The following CTNNA3 variants were observed in gnomAD, a reference collection of about 807,000 sequenced individuals.
CTNNA3 encodes catenin alpha-3.
A neutral mutation model predicts 95.7 loss-of-function variants in CTNNA3; 76 were observed. The ratio of observed to expected loss-of-function variants is 0.79; its 90% CI spans 0.66 to 0.96. The LOEUF (loss-of-function observed/expected upper bound fraction) is 0.96, where lower values mean the gene tolerates loss of function less well. CTNNA3 is among the 40% of genes least tolerant of loss of function. CTNNA3 has a pLI of 0.00. For synonymous variants in CTNNA3, 431 were observed against 374.4 expected (o/e 1.15, Z -1.74); for missense variants, 1,191 against 1,089.8 (o/e 1.09, Z -1.31).
chr10:66,235,525 C>T (rs1413739816), intron 13 of CTNNA3, among the ~76,000 whole-genome samples: 1 of 151,726 alleles, frequency 6.6e-6, no homozygotes, highest in African/African-American at 2.4e-5. Context: ...CACATATAAT[C>T]ATAGCCTAAT....
chr10:66,771,476 T>C (rs1459478066), intron 8 of CTNNA3, among the ~76,000 whole-genome samples: 1 of 152,146 alleles, frequency 6.6e-6, no homozygotes, highest in African/African-American at 2.4e-5. Context: ...AAAAGGCATT[T>C]AAAACAAATA....
chr10:66,696,948 T>C (rs1032466556), intron 9 of CTNNA3, among the ~76,000 whole-genome samples: 12 of 151,764 alleles, frequency 7.9e-5, no homozygotes, highest in African/African-American at 2.9e-4. Context: ...ATAAATAAAA[T>C]AAAATAAAAT....
At chr10:67,355,539 CA>C (rs964733339) in intron 5 of CTNNA3, among the ~76,000 whole-genome samples, 5 of 145,734 alleles carry the variant, frequency 3.4e-5, no homozygotes, top group African/African-American at 2.5e-5. Flanking sequence ...AATGTAAGCA[CA>C]AAAAAAAAGG....
At position 66,327,352 on chromosome 10, in the gene CTNNA3, C is replaced by A. The variant is rs1448927628; in HGVS notation, c.1733-46731G>T. Among the ~76,000 whole-genome samples the A allele has an allele frequency of 2.0e-5, 3 of 151,986 alleles. No individual in the cohort carries two copies. In the East Asian group the frequency reaches 5.8e-4, roughly 29 times the overall value. On this transcript the variant is annotated intron_variant, in intron 12 of 17. Coordinates refer to ENST00000433211, the MANE Select transcript of CTNNA3 (RefSeq NM_013266.4). ...AGGGAAACAACCATTTATTGCAAAT[C>A]CTAAATTTGATAGGAAAATTTACTT...
intron 1 of CTNNA3, among the ~76,000 whole-genome samples, chr10:67,727,273 T>C (rs1272382623): frequency 7.6e-6 from 1 of 131,196 alleles, no homozygotes; most frequent in Non-Finnish European, 1.6e-5. Context: ...AAACTGTACC[T>C]TCCTCAACAG....
At chr10:66,594,360 T>C (rs1180346162) in intron 10 of CTNNA3, among the ~76,000 whole-genome samples, 1 of 152,172 alleles carries the variant, frequency 6.6e-6, no homozygotes, top group East Asian at 1.9e-4. Flanking sequence ...CCTACTTCCA[T>C]CTTGTACCCT....
intron 7 of CTNNA3, among the ~76,000 whole-genome samples, chr10:67,131,857 C>T (rs73258495): frequency 6.6e-6 from 1 of 151,908 alleles, no homozygotes; most frequent in African/African-American, 2.4e-5. Flanking sequence ...GAGAAGGAAG[C>T]CTAGATCACA....
chr10:67,699,100 CT>C (rs1841012609), upstream of CTNNA3, among the ~76,000 whole-genome samples: 1 of 152,138 alleles, frequency 6.6e-6, no homozygotes, highest in Non-Finnish European at 1.5e-5. Context: ...CTTCCCTCAC[CT>C]TTTCAAGGAC....
chr10:65,982,423 C>T (rs1198032033), intron 16 of CTNNA3, among the ~76,000 whole-genome samples: 1 of 150,752 alleles, frequency 6.6e-6, no homozygotes, highest in Admixed American at 6.7e-5. Context: ...ACTAGTACAA[C>T]CAGTATGGAA....
chr10:66,427,455 G>T (rs192303527), intron 11 of CTNNA3, among the ~76,000 whole-genome samples: 13 of 151,990 alleles, frequency 8.6e-5, no homozygotes, highest in African/African-American at 3.1e-4. Context: ...GTCAGTATCT[G>T]GGCACTTCAA....
At chr10:67,137,275 T>TG (rs1377901663) in intron 7 of CTNNA3, among the ~76,000 whole-genome samples, 1 of 150,250 alleles carries the variant, frequency 6.7e-6, no homozygotes, top group Non-Finnish European at 1.5e-5. Flanking sequence ...ATATTGTTTT[T>TG]GTCATAAGAA....
intron 9 of CTNNA3, among the ~76,000 whole-genome samples, chr10:66,643,735 T>C (rs143607434): frequency 7.9e-5 from 12 of 152,214 alleles, no homozygotes; most frequent in African/African-American, 2.4e-4. Flanking sequence ...TACAAGTATT[T>C]GTATCTGTCC....
chr10:66,727,500 C>T (rs1309052967), intron 9 of CTNNA3, among the ~76,000 whole-genome samples: 3 of 152,116 alleles, frequency 2.0e-5, no homozygotes, highest in Admixed American at 6.6e-5. Flanking sequence ...GTTAGTTATA[C>T]ACTTTCAGAG....
At chr10:66,499,072 G>A (rs1411197278) in intron 11 of CTNNA3, among the ~76,000 whole-genome samples, 1 of 151,988 alleles carries the variant, frequency 6.6e-6, no homozygotes, top group African/African-American at 2.4e-5. Flanking sequence ...CACAGTTGTC[G>A]GTTCTTCTCT....
Position 66,766,247 on chromosome 10 carries a change from A to T in CTNNA3, c.1281+17T>A. ...ATTCTCCTGGACTTTAGTGAGTTAC[A>T]GTTCTAGCATGCTTACCTCTACAAG... On this transcript the variant is annotated intron_variant, in intron 9 of 17. Transcript: ENST00000433211. 1 of 1,610,488 alleles carries T rather than the reference A, an allele frequency of 6.2e-7. No individual in the cohort carries two copies. The highest frequency in any genetic ancestry group is 2.2e-5 in the East Asian group (1 of 44,812).
chr10:67,580,054 T>C (rs1842326108), intron 3 of CTNNA3, among the ~76,000 whole-genome samples: 2 of 152,218 alleles, frequency 1.3e-5, no homozygotes, highest in Admixed American at 6.5e-5. Context: ...AGCTCTTTAG[T>C]TTAATTAGAT....
At chr10:67,255,345 C>CAA (rs1369044194) in intron 5 of CTNNA3, among the ~76,000 whole-genome samples, 1 of 151,752 alleles carries the variant, frequency 6.6e-6, no homozygotes, top group Non-Finnish European at 1.5e-5. Flanking sequence ...TAAAAAACTA[C>CAA]AATAATTTCT....
chr10:66,866,588 T>C (rs1334548606), intron 7 of CTNNA3, among the ~76,000 whole-genome samples: 1 of 152,206 alleles, frequency 6.6e-6, no homozygotes, highest in Non-Finnish European at 1.5e-5. Context: ...GTATTTTATT[T>C]GACTCTACAA....
At chr10:67,744,304 G>C (rs1841360867) in intron 1 of CTNNA3, among the ~76,000 whole-genome samples, 2 of 151,110 alleles carry the variant, frequency 1.3e-5, no homozygotes, top group African/African-American at 4.9e-5. Flanking sequence ...CCAAAACAGA[G>C]ATATAGATCA....
Sources: allele counts gnomAD v4.1 joint callset (sites outside exome capture counted in the v4.1 genomes callset), GRCh38; gene constraint gnomAD v4.1.1; transcripts MANE v1.5; gene names NCBI Gene and HGNC (gene_info 2026-07-23, HGNC 2026-07-21).